Variants in CNTN5 observed in about 807,000 individuals in gnomAD.
CNTN5 encodes contactin-5.
In CNTN5, 77 loss-of-function variants were observed where a neutral mutation model predicts 129.1. That is an observed-to-expected ratio of 0.60 (90% CI 0.50 to 0.72). CNTN5 has a LOEUF of 0.72. Ranked by LOEUF, CNTN5 falls within the 30% of genes least tolerant of loss-of-function variation. CNTN5 has a pLI of 0.00. For missense variants in CNTN5, 1,478 were observed against 1,328.8 expected (o/e 1.11, Z -1.75); for synonymous variants, 509 against 465.6 (o/e 1.09, Z -1.20).
At chr11:99,427,533 G>A (rs903925779) in intron 2 of CNTN5, among the ~76,000 whole-genome samples, 20 of 152,060 alleles carry the variant, frequency 1.3e-4, no homozygotes, top group South Asian at 6.2e-4. Flanking sequence ...TTGGGAGGCC[G>A]AGGCGGGCGG....
intron 6 of CNTN5, among the ~76,000 whole-genome samples, chr11:99,871,419 G>T (rs189351791): frequency 1.8e-4 from 28 of 152,068 alleles, no homozygotes; most frequent in African/African-American, 5.3e-4. Context: ...AATAATTGCT[G>T]CCTTAATTGC....
intron 7 of CNTN5, among the ~76,000 whole-genome samples, chr11:99,926,881 C>T (rs2083376427): frequency 6.6e-6 from 1 of 152,082 alleles, no homozygotes; most frequent in South Asian, 2.1e-4. Flanking sequence ...ATGAAACCCA[C>T]AACTTTTACA....
chr11:100,066,550 A>T (rs1943701961), intron 10 of CNTN5, among the ~76,000 whole-genome samples: 1 of 152,128 alleles, frequency 6.6e-6, no homozygotes, highest in Non-Finnish European at 1.5e-5. Flanking sequence ...TGAAGCTGAA[A>T]TGTATTACAT....
At chr11:99,134,417 A>G (rs1859115388) in intron 1 of CNTN5, among the ~76,000 whole-genome samples, 1 of 152,228 alleles carries the variant, frequency 6.6e-6, no homozygotes, top group South Asian at 2.1e-4. Context: ...AAAAATAAGT[A>G]TAAACTTGCA....
chr11:99,125,093 G>T (rs1374542986), intron 1 of CNTN5, among the ~76,000 whole-genome samples: 2 of 151,976 alleles, frequency 1.3e-5, no homozygotes, highest in African/African-American at 4.8e-5. Context: ...GAGGAGGAAG[G>T]ACTCCTCCAT....
intron 1 of CNTN5, among the ~76,000 whole-genome samples, chr11:99,198,946 G>A (rs1048614238): frequency 3.9e-5 from 6 of 152,060 alleles, no homozygotes; most frequent in African/African-American, 9.7e-5. Flanking sequence ...GTATTTGTGC[G>A]TAATAAATGT....
At chr11:100,185,970 G>T (rs572156328) in intron 13 of CNTN5, among the ~76,000 whole-genome samples, 1 of 152,122 alleles carries the variant, frequency 6.6e-6, no homozygotes, top group Non-Finnish European at 1.5e-5. Context: ...AAATAATATC[G>T]CAATGGGTAA....
At chr11:99,868,870 CCATGTT>C (rs1487388621) in intron 6 of CNTN5, among the ~76,000 whole-genome samples, 1 of 152,064 alleles carries the variant, frequency 6.6e-6, no homozygotes, top group Non-Finnish European at 1.5e-5. Context: ...AATGATGAAA[CCATGTT>C]TTAGGTACAT....
At chr11:99,475,266 G>C (rs917973038) in intron 2 of CNTN5, among the ~76,000 whole-genome samples, 5 of 152,162 alleles carry the variant, frequency 3.3e-5, no homozygotes, top group African/African-American at 9.7e-5. Context: ...CTCATGGCTT[G>C]CCTGCCATCT....
intron 7 of CNTN5, among the ~76,000 whole-genome samples, chr11:99,926,119 A>G (rs1199793667): frequency 1.3e-5 from 2 of 152,232 alleles, no homozygotes; most frequent in African/African-American, 4.8e-5. Context: ...GACAGTGAGC[A>G]TTAAATTAAC....
chr11:99,311,581 C>T (rs1865118967), intron 1 of CNTN5, among the ~76,000 whole-genome samples: 2 of 152,122 alleles, frequency 1.3e-5, no homozygotes, highest in African/African-American at 4.8e-5. Flanking sequence ...TCAAAGAGTG[C>T]TCCAGTGTTA....
chr11:99,232,889 C>G (rs973065517), intron 1 of CNTN5, among the ~76,000 whole-genome samples: 2 of 152,076 alleles, frequency 1.3e-5, no homozygotes, highest in African/African-American at 4.8e-5. Flanking sequence ...TACTTTGTGT[C>G]AATTTTTGTT....
rs139621665 is a variant in CNTN5 at position 100,034,917 on chromosome 11, T to C, written c.981-26295T>C. The stretch of plus-strand genomic sequence containing the variant: ...TTGTCTTCCTCTTCAGCCTCATCAC[T>C]AAATAGTGCTAGTGAAGCAACAACC... On this transcript the variant is annotated intron_variant, in intron 9 of 24. Transcript: ENST00000524871. Among the ~76,000 whole-genome samples the C allele has an allele frequency of 9.8e-4, 149 of 152,316 alleles. 1 individual carries two copies. Among genetic ancestry groups the C allele is most frequent in the African/African-American group, 3.5e-3 (145 of 41,578 alleles).
At chr11:100,040,704 G>A (rs138998716) in intron 9 of CNTN5, among the ~76,000 whole-genome samples, 14,914 of 152,160 alleles carry the variant, frequency 0.098, 922 homozygotes, top group East Asian at 0.18. Flanking sequence ...CCTCACTGCC[G>A]CCTTGCAGTT....
intron 6 of CNTN5, among the ~76,000 whole-genome samples, chr11:99,895,168 G>A (rs76997262): frequency 6.6e-6 from 1 of 152,306 alleles, no homozygotes; most frequent in Non-Finnish European, 1.5e-5. Flanking sequence ...CATCAGTTCA[G>A]TGTCAGTACT....
chr11:99,372,617 A>G (rs186805333), intron 2 of CNTN5, among the ~76,000 whole-genome samples: 16 of 137,958 alleles, frequency 1.2e-4, no homozygotes, highest in Non-Finnish European at 2.4e-4. Flanking sequence ...TGAAAATGTG[A>G]AAAAAAAAAG....
At chr11:100,125,863 A>G (rs1371850553) in intron 13 of CNTN5, among the ~76,000 whole-genome samples, 1 of 151,262 alleles carries the variant, frequency 6.6e-6, no homozygotes, top group South Asian at 2.1e-4. Context: ...GGGTTTAATT[A>G]TTGTTTTTTT....
rs1949936011 is a variant in CNTN5 at position 99,590,268 on chromosome 11, TAAG to T, written c.55+34004_55+34006del. On this transcript the variant is annotated intron_variant, in intron 3 of 24. Coordinates refer to ENST00000524871, the MANE Select transcript of CNTN5 (RefSeq NM_014361.4). ...TACCATTGATAATAATAAAAATAGATAAGAAGAGACTGCTGGATACAGAAAGGC... is the reference window on the plus strand; with the variant it reads ...TACCATTGATAATAATAAAAATAGATAAGAGACTGCTGGATACAGAAAGGC... Among the ~76,000 whole-genome samples, 2 of 152,136 alleles carry T rather than the reference TAAG, an allele frequency of 1.3e-5. 1 individual carries two copies. Among genetic ancestry groups the T allele is most frequent in the South Asian group, 4.1e-4 (2 of 4,832 alleles).
At chr11:99,159,478 C>G (rs571154588) in intron 1 of CNTN5, among the ~76,000 whole-genome samples, 11 of 151,990 alleles carry the variant, frequency 7.2e-5, no homozygotes, top group Non-Finnish European at 1.6e-4. Context: ...AAAAAGTAGC[C>G]GGGCATAGTG....
Sources: gnomAD v4.1 joint callset for allele counts (sites outside exome capture counted in the v4.1 genomes callset) on GRCh38, gnomAD v4.1.1 for gene constraint, MANE v1.5 for transcripts, NCBI Gene and HGNC (gene_info 2026-07-23, HGNC 2026-07-21) for gene names.